Variants in DYSF observed in about 807,000 individuals in gnomAD.
DYSF encodes dystrophy-associated fer-1-like 1.
In DYSF, 212 loss-of-function variants were observed where a neutral mutation model predicts 274.9. The observed-to-expected ratio is 0.77, with a 90% CI of 0.69 to 0.86. The LOEUF is 0.86. DYSF is among the 40% of genes least tolerant of loss of function. The pLI, the probability that DYSF is intolerant of heterozygous loss-of-function variation, is 0.00. For synonymous variants in DYSF, 1,091 were observed against 1,078.7 expected (o/e 1.01, Z -0.22); for missense variants, 2,666 against 2,783.2 (o/e 0.96, Z 0.95).
intron 43 of DYSF, among the ~76,000 whole-genome samples, chr2:71,658,441 G>T (rs2094815706): frequency 1.3e-5 from 2 of 152,050 alleles, no homozygotes; most frequent in Admixed American, 6.6e-5. Context: ...ACATTTTTGG[G>T]TATCTTTTCA....
At chr2:71,520,357 C>T in intron 11 of DYSF, 149 bp downstream of exon 11, 1 of 932,460 alleles carries the variant, frequency 1.1e-6, no homozygotes, top group Non-Finnish European at 1.7e-6. Context: ...GTCATTCATC[C>T]TCCATGTGAG....
rs748951363 is a variant in DYSF, at chr2:71,511,807, G to A, written c.346G>A (p.Ala116Thr). ...LLDTKKQPTG[A>T]SLVLQVSYTP... is the part of the protein sequence containing the mutation. The stretch of plus-strand genomic sequence containing the variant: ...GTCCCCCACGTCTCATCTCTTCCAG[G>A]CCTCGCTGGTCCTGCAGGTGTCCTA... The change falls in exon 5 of 56, where the codon GCC becomes ACC. Residue 116 changes from alanine (A) to threonine (T), a missense_variant and splice_region_variant. This residue lies in a region of DYSF where 794 missense variants were observed against 777.1 expected (regional missense o/e 1.02). Transcript: ENST00000410020. 2.5e-5 allele frequency: 39 copies of A among 1,547,798 alleles called. No homozygotes were observed. Among genetic ancestry groups the A allele is most frequent in the Non-Finnish European group, 3.1e-5 (35 of 1,143,852 alleles).
chr2:71,486,583 C>T lies in DYSF; in HGVS notation c.239+4613C>T, dbSNP rs190549179. 2.0e-5 allele frequency among the ~76,000 whole-genome samples: 3 copies of T among 152,148 alleles called. No homozygotes were observed. In the East Asian group the frequency reaches 5.8e-4, roughly 29 times the overall value. On this transcript the variant is annotated intron_variant, in intron 3 of 55. Transcript: ENST00000410020. The stretch of plus-strand genomic sequence containing the variant: ...TGTTAAACCAGAGTGGTCTGCTGGC[C>T]CAGAGTGGGATCTGGGGAATCCTTT...
chr2:71,657,910 G>C (rs1014447632), intron 43 of DYSF, among the ~76,000 whole-genome samples: 1 of 152,174 alleles, frequency 6.6e-6, no homozygotes, highest in African/African-American at 2.4e-5. Context: ...TTTCCCCATG[G>C]TCTTGGGGAT....
chr2:71,467,782 A>G (rs2152645741), intron 1 of DYSF, among the ~76,000 whole-genome samples: 1 of 152,310 alleles, frequency 6.6e-6, no homozygotes, highest in Non-Finnish European at 1.5e-5. Flanking sequence ...CAGGAGCCAT[A>G]CCCTGTAGCT....
chr2:71,639,588 A>G (rs1305504162), intron 41 of DYSF, among the ~76,000 whole-genome samples: 1 of 152,186 alleles, frequency 6.6e-6, no homozygotes, highest in Non-Finnish European at 1.5e-5. Context: ...TAGGTTGTGT[A>G]ATGTTTAATC....
At chr2:71,572,588 CAGCTGTGGCCTG>C (rs1403165560) in intron 29 of DYSF, among the ~76,000 whole-genome samples, 1 of 152,214 alleles carries the variant, frequency 6.6e-6, no homozygotes, top group Non-Finnish European at 1.5e-5. Context: ...TCAGGCAGGT[CAGCTGTGGCCTG>C]AGCTGTGGCC....
At chr2:71,507,885 G>C (rs113516638) in intron 4 of DYSF, among the ~76,000 whole-genome samples, 6,149 of 152,300 alleles carry the variant, frequency 0.04, 165 homozygotes, top group African/African-American at 0.041. Flanking sequence ...GCTCAAGTAG[G>C]CTCAAGTGAT....
chr2:71,470,248 TC>T (rs2081889301), intron 1 of DYSF, among the ~76,000 whole-genome samples: 1 of 152,124 alleles, frequency 6.6e-6, no homozygotes, highest in Admixed American at 6.5e-5. Context: ...AGTTGGGGGA[TC>T]TTATAGAACT....
At chr2:71,543,058 T>C (rs1229840319) in intron 17 of DYSF, among the ~76,000 whole-genome samples, 5 of 148,080 alleles carry the variant, frequency 3.4e-5, no homozygotes, top group African/African-American at 5.1e-5. Context: ...GCCCCCCACC[T>C]CCCGGACTGG....
intron 41 of DYSF, among the ~76,000 whole-genome samples, chr2:71,620,947 G>A (rs1440069688): frequency 6.6e-6 from 1 of 152,080 alleles, no homozygotes; most frequent in Admixed American, 6.6e-5. Flanking sequence ...ACCCCAGAAG[G>A]CTCTTCTGGG....
chr2:71,505,235 G>T (rs2085366544), intron 4 of DYSF, among the ~76,000 whole-genome samples: 1 of 152,232 alleles, frequency 6.6e-6, no homozygotes, highest in Non-Finnish European at 1.5e-5. Context: ...TCCTGCCTGG[G>T]ACCTGGGCTG....
intron 16 of DYSF, among the ~76,000 whole-genome samples, chr2:71,536,230 T>A (rs1226056025): frequency 6.6e-6 from 1 of 152,162 alleles, no homozygotes; most frequent in Non-Finnish European, 1.5e-5. Flanking sequence ...TTCCCCAGCG[T>A]GTTCTCCTCT....
chr2:71,503,900 G>C (rs1424606541), intron 4 of DYSF, among the ~76,000 whole-genome samples: 2 of 152,204 alleles, frequency 1.3e-5, no homozygotes, highest in Non-Finnish European at 2.9e-5. Flanking sequence ...AATATACCCT[G>C]TAGGGTTCTC....
chr2:71,617,918 G>GTGTGGTAGAGGTGGTA (rs1558636374), intron 40 of DYSF, among the ~76,000 whole-genome samples: 1 of 59,774 alleles, frequency 1.7e-5, no homozygotes, highest in Non-Finnish European at 3.5e-5. Context: ...AGAGGTGTGT[G>GTGTGGTAGAGGTGGTA]TGTGTGGTAG....
chr2:71,472,948 C>A (rs1321565305), intron 1 of DYSF, among the ~76,000 whole-genome samples: 4 of 152,144 alleles, frequency 2.6e-5, no homozygotes, highest in African/African-American at 7.2e-5. Context: ...ATGTAAATAT[C>A]TTCCCCAGTT....
rs947279414 is a variant in DYSF at position 71,644,172 on chromosome 2, A to T, written c.4626+109A>T. 5.1e-6 allele frequency: 5 copies of T among 984,410 alleles called. No individual in the cohort carries two copies. In the African/African-American group the frequency reaches 6.4e-5, roughly 13 times the overall value. The allele number at this position is 984,410 out of a possible 1,614,324, so 61.0% of individuals were successfully genotyped here. Reference sequence around the variant, plus strand: ...TAGATGTATTTGCATTTGTCTCCTCATTCGGTGTCTGAGGGTGATGAATGC... The same window carrying T: ...TAGATGTATTTGCATTTGTCTCCTCTTTCGGTGTCTGAGGGTGATGAATGC... On this transcript the variant is annotated intron_variant, in intron 42 of 55. Coordinates refer to ENST00000410020, the MANE Select transcript of DYSF (RefSeq NM_001130987.2).
intron 1 of DYSF, among the ~76,000 whole-genome samples, chr2:71,473,712 A>ATTT (rs2082196641): frequency 6.6e-6 from 1 of 152,168 alleles, no homozygotes; most frequent in East Asian, 1.9e-4. Context: ...TGGACTTAAA[A>ATTT]AAAATTGTGG....
At chr2:71,510,072 C>T (rs1221832922) in intron 4 of DYSF, among the ~76,000 whole-genome samples, 4 of 152,236 alleles carry the variant, frequency 2.6e-5, no homozygotes, top group Non-Finnish European at 5.9e-5. Flanking sequence ...CTCGCCCAGG[C>T]TCTTTTGATG....
Sources: gnomAD v4.1 joint callset for allele counts (sites outside exome capture counted in the v4.1 genomes callset) on GRCh38, gnomAD v4.1.1 for gene constraint, gnomAD v4.1.1 regional missense constraint, MANE v1.5 for transcripts, NCBI Gene and HGNC (gene_info 2026-07-23, HGNC 2026-07-21) for gene names.